Variants in ARID1A observed in about 807,000 individuals in gnomAD.
ARID1A encodes AT-rich interactive domain-containing protein 1A.
ARID1A carries 20 observed loss-of-function variants against 212.6 expected under a neutral mutation model. The ratio of observed to expected loss-of-function variants is 0.09; its 90% CI spans 0.07 to 0.14. The LOEUF is 0.14. Among genes scored for constraint, ARID1A ranks in the 10% least tolerant of loss-of-function variants. The probability of loss-of-function intolerance (pLI) is 1.00; values close to 1 mark genes in which losing one functional copy is unlikely to be tolerated. For missense variants in ARID1A, 2,587 were observed against 3,059.0 expected (o/e 0.85, Z 3.64); for synonymous variants, 1,376 against 1,222.1 (o/e 1.13, Z -2.63).
Position 26,731,629 on chromosome 1 carries a change from TTCC to T in ARID1A, c.1803+26_1803+28del, listed in dbSNP as rs2080679098. On this transcript the variant is annotated intron_variant, in intron 3 of 19. Transcript: ENST00000324856. ...GGTAAGATATCCCTGCCTCCTGCCC[TTCC>T]CTGTGTGTGACTACAGACAGCTTGG... The T allele has an allele frequency of 1.9e-6, 3 of 1,606,716 alleles. No homozygotes were observed. In the African/African-American group the frequency reaches 4.0e-5, roughly 21 times the overall value.
At chr1:26,763,667 G>A (rs1241606831) in intron 8 of ARID1A, among the ~76,000 whole-genome samples, 2 of 152,214 alleles carry the variant, frequency 1.3e-5, no homozygotes, top group Non-Finnish European at 2.9e-5. Flanking sequence ...CTATCGGGAG[G>A]CTGAGGCAGG....
chr1:26,757,751 T>TC (rs1446449879), intron 4 of ARID1A, among the ~76,000 whole-genome samples: 1 of 151,804 alleles, frequency 6.6e-6, no homozygotes, highest in African/African-American at 2.4e-5. Context: ...CACTGTAACC[T>TC]CCACCTCCCG....
At position 26,744,689 on chromosome 1, in the gene ARID1A, T is replaced by G. The variant is rs139997945; in HGVS notation, c.1920+11897T>G. Among the ~76,000 whole-genome samples the G allele has an allele frequency of 7.1e-4, 108 of 152,310 alleles. 1 individual carries two copies. The highest frequency in any genetic ancestry group is 2.2e-3 in the African/African-American group (93 of 41,564). On this transcript the variant is annotated intron_variant, in intron 4 of 19. Transcript: ENST00000324856. The stretch of plus-strand genomic sequence containing the variant: ...ACTTGGTATCCTCTCTGGCCCAAGC[T>G]TCCCTGAAGCCCAGGTGATACTTAT...
At chr1:26,731,993 C>T (rs1352879744) in intron 3 of ARID1A, among the ~76,000 whole-genome samples, 2 of 152,132 alleles carry the variant, frequency 1.3e-5, no homozygotes, top group Non-Finnish European at 2.9e-5. Context: ...TACATTCACT[C>T]CAACTGCCAT....
intron 7 of ARID1A, 149 bp downstream of exon 7, chr1:26,762,468 G>T: frequency 1.2e-6 from 1 of 822,478 alleles, no homozygotes; most frequent in Non-Finnish European, 1.8e-6. Context: ...AGTAGGGCAA[G>T]GCAAGATTCC....
At position 26,758,979 on chromosome 1, in the gene ARID1A, C is replaced by T. The variant is rs530494022; in HGVS notation, c.1921-1877C>T. Reference sequence around the variant, plus strand: ...GAAATGCTCCCAGCCTAATGAGGTACCCAAGTGGTTTGTGGAAGGTCCACC... The same window carrying T: ...GAAATGCTCCCAGCCTAATGAGGTATCCAAGTGGTTTGTGGAAGGTCCACC... On this transcript the variant is annotated intron_variant, in intron 4 of 19. Coordinates refer to ENST00000324856, the MANE Select transcript of ARID1A (RefSeq NM_006015.6). Among the ~76,000 whole-genome samples, 3 of 152,290 alleles carry T rather than the reference C, an allele frequency of 2.0e-5. No homozygotes were observed. The East Asian group carries it at 5.8e-4, about 29-fold the overall frequency.
chr1:26,780,791 T>TGC lies in ARID1A; in HGVS notation c.*37_*38dup. 3 of 1,527,982 alleles carry TGC rather than the reference T, an allele frequency of 2.0e-6. No homozygotes were observed. The highest frequency in any genetic ancestry group is 1.2e-5 in the South Asian group (1 of 81,122). The allele number at this position is 1,527,982 out of a possible 1,614,324, so 94.7% of individuals were successfully genotyped here. ...GACACCTCCCCCCCCCGTGTGTGTG[T>TGC]GCGTGTGTGGAGAACTTAGAAACTG... On this transcript the variant is annotated 3_prime_UTR_variant, in exon 20 of 20. Transcript: ENST00000324856. The surrounding 1 kb of genome is among the most constrained non-coding windows in gnomAD (Gnocchi z 7.2).
At chr1:26,758,301 G>A (rs1165985613) in intron 4 of ARID1A, among the ~76,000 whole-genome samples, 1 of 152,172 alleles carries the variant, frequency 6.6e-6, no homozygotes, top group Non-Finnish European at 1.5e-5. Flanking sequence ...AAACAGGGAT[G>A]GGGCTGGGCA....
chr1:26,772,023 TAGA>T (rs1213432099), intron 12 of ARID1A: 1 of 170,608 alleles, frequency 5.9e-6, no homozygotes, highest in Admixed American at 5.5e-5. Context: ...CTCATCAGCT[TAGA>T]AGAACATTTG....
intron 1 of ARID1A, among the ~76,000 whole-genome samples, chr1:26,723,488 G>A (rs2124777715): frequency 6.6e-6 from 1 of 152,268 alleles, no homozygotes; most frequent in East Asian, 1.9e-4. Context: ...TGTGACCTGG[G>A]GCTGTTTTCT....
In ARID1A at chr1:26,745,847, T is replaced by C. The variant is rs553818445; in HGVS notation, c.1920+13055T>C. Among the ~76,000 whole-genome samples the C allele has an allele frequency of 2.0e-5, 3 of 151,994 alleles. No individual in the cohort carries two copies. The East Asian group carries it at 5.8e-4, about 29-fold the overall frequency. On this transcript the variant is annotated intron_variant, in intron 4 of 19. Coordinates refer to ENST00000324856, the MANE Select transcript of ARID1A (RefSeq NM_006015.6). ...CGGTGAGATCACCTGAGGTTGGGAG[T>C]TCAAGACCAGCCTGACCAACATTAA...
intron 4 of ARID1A, among the ~76,000 whole-genome samples, chr1:26,746,931 G>T (rs1026802464): frequency 3.9e-5 from 6 of 152,100 alleles, no homozygotes; most frequent in Non-Finnish European, 8.8e-5. Flanking sequence ...TACTTGGGAG[G>T]CTGAGGCTGA....
At chr1:26,778,984 T>C (rs1396740834) in intron 19 of ARID1A, 39 bp from the exon 20 acceptor site, 1 of 1,494,904 alleles carries the variant, frequency 6.7e-7, no homozygotes, top group Non-Finnish European at 8.9e-7. Context: ...TTAGGCCACT[T>C]TTCTCCCTTA....
intron 4 of ARID1A, among the ~76,000 whole-genome samples, chr1:26,742,381 G>A (rs2080795805): frequency 6.6e-6 from 1 of 152,168 alleles, no homozygotes; most frequent in African/African-American, 2.4e-5. Context: ...GTTGACTAGA[G>A]TTTGGTTATT....
At position 26,724,945 on chromosome 1, in the gene ARID1A, G is replaced by C. The variant is rs2080602441; in HGVS notation, c.1138-4706G>C. 2.6e-5 allele frequency among the ~76,000 whole-genome samples: 4 copies of C among 152,054 alleles called. No individual in the cohort carries two copies. The South Asian group carries it at 8.3e-4, about 32-fold the overall frequency. ...AGTGATCTGGAAGGAGGTGGTAAGTGGTAGATGGAGATGAGGAGTTTTCTT... is the reference window on the plus strand; with the variant it reads ...AGTGATCTGGAAGGAGGTGGTAAGTCGTAGATGGAGATGAGGAGTTTTCTT... On this transcript the variant is annotated intron_variant, in intron 1 of 19. Transcript: ENST00000324856.
At chr1:26,772,733 C>CCA in intron 13 of ARID1A, 79 bp from the exon 14 acceptor site, 1 of 1,605,756 alleles carries the variant, frequency 6.2e-7, no homozygotes, top group Non-Finnish European at 8.5e-7. Context: ...GCCTTCCCAG[C>CCA]CAGTGACTCC....
chr1:26,697,218 GGGCCATGGGGGGAGGCGGCCCCTCCGC>G lies in ARID1A; in HGVS notation c.820_846del (p.Met274_Ala282del). 7.2e-7 allele frequency: 1 copy of G among 1,383,096 alleles called. No individual in the cohort carries two copies. The highest frequency in any genetic ancestry group is 9.3e-7 in the Non-Finnish European group (1 of 1,074,494). 85.7% of individuals were successfully genotyped at this position (1,383,096 alleles called of 1,614,324 possible). On this transcript the variant is annotated inframe_deletion, in exon 1 of 20. Coordinates refer to ENST00000324856, the MANE Select transcript of ARID1A (RefSeq NM_006015.6). Reference sequence around the variant, plus strand: ...TCGTCCTTCGCTCAGCAGCGCTTCGGGGCCATGGGGGGAGGCGGCCCCTCCGCGGCCGGCGGGGGAACTCCCCAGCCC... The same window carrying G: ...TCGTCCTTCGCTCAGCAGCGCTTCGGGGCCGGCGGGGGAACTCCCCAGCCC...
intron 4 of ARID1A, among the ~76,000 whole-genome samples, chr1:26,758,360 G>A (rs1029900893): frequency 3.0e-4 from 46 of 152,236 alleles, no homozygotes; most frequent in African/African-American, 1.1e-3. Context: ...CAATGTGGGA[G>A]GATTGAGCCC....
Position 26,760,866 on chromosome 1 carries a change from G to A in ARID1A, c.1931G>A (p.Gly644Asp), listed in dbSNP as rs2124053821. The A allele has an allele frequency of 1.9e-6, 3 of 1,611,890 alleles. No individual in the cohort carries two copies. Among genetic ancestry groups the A allele is most frequent in the Non-Finnish European group, 2.5e-6 (3 of 1,178,320 alleles). Residue 644 changes from glycine (G) to aspartate (D), a missense_variant, in exon 5 of 20, where the codon GGT (glycine) becomes GAT (aspartate). This residue lies in a region of ARID1A where 674 missense variants were observed against 813.4 expected (regional missense o/e 0.83). Coordinates refer to ENST00000324856, the MANE Select transcript of ARID1A (RefSeq NM_006015.6). The part of the protein sequence containing the change: ...SRPSSLPDLS[G>D]SIDDLPMGTE... ...ATATATATGTTCTAGGATCTATCTG[G>A]TTCAATAGATGACCTCCCCATGGGG... is the stretch of plus-strand genomic sequence containing the variant.
Sources: gnomAD v4.1 joint callset for allele counts (sites outside exome capture counted in the v4.1 genomes callset) on GRCh38, gnomAD v4.1.1 for gene constraint, gnomAD v4.1.1 regional missense constraint, Gnocchi (gnomAD v3.1) non-coding constraint, MANE v1.5 for transcripts, NCBI Gene and HGNC (gene_info 2026-07-23, HGNC 2026-07-21) for gene names.